TET2: variants seen among roughly 807,000 people sequenced by gnomAD.
TET2 encodes tet methylcytosine dioxygenase 2.
A neutral mutation model predicts 142.9 loss-of-function variants in TET2; 299 were observed. That is an observed-to-expected ratio of 2.09 (90% confidence interval 1.90 to 2.30). TET2 has a LOEUF of 2.30. Among genes scored for constraint, TET2 ranks in the 30% most tolerant of loss-of-function variants. The pLI, the probability that TET2 is intolerant of heterozygous loss-of-function variation, is 0.00. For synonymous variants in TET2, 819 were observed against 849.0 expected (o/e 0.96, Z 0.61); for missense variants, 2,418 against 2,378.0 (o/e 1.02, Z -0.35).
intron 1 of TET2, among the ~76,000 whole-genome samples, chr4:105,149,680 AATC>A (rs1158230025): frequency 6.6e-6 from 1 of 152,240 alleles, no homozygotes; most frequent in Non-Finnish European, 1.5e-5. Context: ...TTATTGAACT[AATC>A]ATCAATGAGA....
At chr4:105,244,347 G>C (rs142726166) in intron 6 of TET2, among the ~76,000 whole-genome samples, 1 of 152,204 alleles carries the variant, frequency 6.6e-6, no homozygotes, top group African/African-American at 2.4e-5. Flanking sequence ...GCAAATTACT[G>C]GATATGGATA....
intron 2 of TET2, among the ~76,000 whole-genome samples, chr4:105,226,593 GTCTCCTTCCCTCCCTC>G (rs1220346584): frequency 1.0e-3 from 151 of 151,512 alleles, no homozygotes; most frequent in African/African-American, 3.5e-3. Flanking sequence ...CCCCCTCCCT[GTCTCCTTCCCTCCCTC>G]TCTCCTTCCC....
At chr4:105,195,574 C>A (rs1399169350) in intron 2 of TET2, among the ~76,000 whole-genome samples, 1 of 152,132 alleles carries the variant, frequency 6.6e-6, no homozygotes, top group Non-Finnish European at 1.5e-5. Flanking sequence ...CATATACCCT[C>A]CCATATACTT....
At chr4:105,176,648 A>C (rs1236680931) in intron 1 of TET2, among the ~76,000 whole-genome samples, 1 of 152,196 alleles carries the variant, frequency 6.6e-6, no homozygotes, top group Non-Finnish European at 1.5e-5. Flanking sequence ...GAACTAAATA[A>C]TGAAGAGATG....
chr4:105,149,741 A>G (rs1366817730), intron 1 of TET2, among the ~76,000 whole-genome samples: 8 of 152,254 alleles, frequency 5.3e-5, no homozygotes, highest in African/African-American at 1.9e-4. Flanking sequence ...AAATTGTCAT[A>G]TTTGCCAAAC....
Position 105,173,233 on chromosome 4 carries a change from A to C in TET2, c.-192-17127A>C, listed in dbSNP as rs79056645. Among the ~76,000 whole-genome samples, 916 of 152,090 alleles carry C rather than the reference A, an allele frequency of 6.0e-3. 7 individuals carry two copies. Among genetic ancestry groups the C allele is most frequent in the African/African-American group, 0.019 (793 of 41,492 alleles). On this transcript the variant is annotated intron_variant, in intron 1 of 10. Coordinates refer to ENST00000380013, the MANE Select transcript of TET2 (RefSeq NM_001127208.3). The stretch of plus-strand genomic sequence containing the variant: ...TACCAAAACGATAAGTTCCAACTCA[A>C]TCTTGGTTGGGTGTGGTGGCTCACG...
intron 2 of TET2, among the ~76,000 whole-genome samples, chr4:105,221,155 C>T (rs1210562500): frequency 4.6e-5 from 7 of 151,960 alleles, no homozygotes; most frequent in Non-Finnish European, 7.4e-5. Flanking sequence ...TTATTATTAT[C>T]GTTTCCTTCA....
intron 2 of TET2, among the ~76,000 whole-genome samples, chr4:105,217,673 T>G (rs777160119): frequency 3.3e-5 from 5 of 152,106 alleles, no homozygotes; most frequent in Non-Finnish European, 2.9e-5. Context: ...AAAAATAAGT[T>G]TTCTTGCTTG....
At chr4:105,210,640 A>T (rs1727104223) in intron 2 of TET2, among the ~76,000 whole-genome samples, 2 of 152,170 alleles carry the variant, frequency 1.3e-5, no homozygotes, top group African/African-American at 4.8e-5. Flanking sequence ...CCATCCTAAC[A>T]AATAGCACCA....
At chr4:105,163,848 A>ACT (rs1724003116) in intron 1 of TET2, among the ~76,000 whole-genome samples, 2 of 113,626 alleles carry the variant, frequency 1.8e-5, no homozygotes, top group South Asian at 2.6e-4. Flanking sequence ...AGAGAGAGAG[A>ACT]GAGAGAGTGT....
chr4:105,262,127 A>G (rs1023489358), intron 8 of TET2, among the ~76,000 whole-genome samples: 1 of 152,108 alleles, frequency 6.6e-6, no homozygotes, highest in African/African-American at 2.4e-5. Context: ...GTTTCTGTAA[A>G]CAGACTATGG....
At chr4:105,150,826 G>A (rs1291017205) in intron 1 of TET2, among the ~76,000 whole-genome samples, 1 of 152,184 alleles carries the variant, frequency 6.6e-6, no homozygotes, top group African/African-American at 2.4e-5. Context: ...TTGGTATATA[G>A]TAGGAGAGAA....
At position 105,235,908 on chromosome 4, in the gene TET2, C is replaced by T; in HGVS notation, c.1966C>T (p.Pro656Ser). The T allele has an allele frequency of 6.2e-7, 1 of 1,614,090 alleles. No individual in the cohort carries two copies. Among genetic ancestry groups the T allele is most frequent in the Non-Finnish European group, 8.5e-7 (1 of 1,180,008 alleles). The part of the protein sequence containing the change: ...TVDQHLQFQK[P>S]SHQVHFSKTD... ...GGACCAACATCTCCAGTTCCAAAAA[C>T]CCTCACACCAGGTGCACTTCTCCAA... The change falls in exon 3 of 11, where the codon CCC becomes TCC. Residue 656 changes from proline (P) to serine (S), a missense_variant. By Grantham distance (74) the Pro-to-Ser change is moderately conservative. Transcript: ENST00000380013.
chr4:105,206,414 G>A (rs1228104611), intron 2 of TET2, among the ~76,000 whole-genome samples: 2 of 152,208 alleles, frequency 1.3e-5, no homozygotes, highest in Non-Finnish European at 2.9e-5. Context: ...GTGACCTACT[G>A]TTGAGTTTCT....
intron 2 of TET2, 134 bp downstream of exon 2, chr4:105,190,639 T>C (rs1477233403): frequency 1.7e-6 from 1 of 587,464 alleles, no homozygotes; most frequent in Admixed American, 3.0e-5. Context: ...TTGTCTATGC[T>C]TAGGACACAT....
chr4:105,200,388 ATGTT>A (rs369955781), intron 2 of TET2, among the ~76,000 whole-genome samples: 5,608 of 151,494 alleles, frequency 0.037, 190 homozygotes, highest in African/African-American at 0.088. Flanking sequence ...TTCAATGGGG[ATGTT>A]TGTTTGTTTG....
At chr4:105,215,289 T>C (rs1727427140) in intron 2 of TET2, among the ~76,000 whole-genome samples, 1 of 152,176 alleles carries the variant, frequency 6.6e-6, no homozygotes, top group South Asian at 2.1e-4. Flanking sequence ...TTTCTTCAAC[T>C]GAGTAGCATT....
intron 1 of TET2, among the ~76,000 whole-genome samples, chr4:105,154,239 C>T (rs1723453440): frequency 6.6e-6 from 1 of 152,064 alleles, no homozygotes; most frequent in Non-Finnish European, 1.5e-5. Context: ...ATGCTGAAAC[C>T]CACTGAATTA....
At chr4:105,250,858 T>C (rs1729839339) in intron 6 of TET2, among the ~76,000 whole-genome samples, 1 of 152,002 alleles carries the variant, frequency 6.6e-6, no homozygotes, top group South Asian at 2.1e-4. Context: ...TGTTTTGTGT[T>C]TTTGGTGGAG....
Sources: gnomAD v4.1 joint callset for allele counts (sites outside exome capture counted in the v4.1 genomes callset) on GRCh38, gnomAD v4.1.1 for gene constraint, MANE v1.5 for transcripts, NCBI Gene and HGNC (gene_info 2026-07-23, HGNC 2026-07-21) for gene names.